SCART1: variants seen among roughly 807,000 people sequenced by gnomAD.
The protein encoded by SCART1 is scavenger receptor cysteine-rich domain-containing protein SCART1.
A neutral mutation model predicts 36.2 loss-of-function variants in SCART1; 62 were observed. That is an observed-to-expected ratio of 1.71 (90% CI 1.40 to 2.12). The LOEUF (loss-of-function observed/expected upper bound fraction) is 2.12. Among genes scored for constraint, SCART1 ranks in the 30% most tolerant of loss-of-function variants. The probability of loss-of-function intolerance (pLI) is 0.00; values close to 1 mark genes in which losing one functional copy is unlikely to be tolerated. For missense variants in SCART1, 1,041 were observed against 540.5 expected, an observed-to-expected ratio of 1.93 and a Z score of -9.18; for synonymous variants, 487 against 238.7, an observed-to-expected ratio of 2.04 and a Z score of -9.59.
chr10:133,459,286 G>T (rs765844947), exon 5 of SCART1: 2 of 651,522 alleles, frequency 3.1e-6, no homozygotes, highest in South Asian at 3.4e-5. Context: ...TGGGGGCCCC[G>T]GCCTGTGCCC....
At position 133,465,325 on chromosome 10, in the gene SCART1, TG is replaced by T; in HGVS notation, c.2423del (p.Gly808AlafsTer117). 1.5e-6 allele frequency: 1 copy of T among 687,666 alleles called. No individual in the cohort carries two copies. The highest frequency in any genetic ancestry group is 2.6e-6 in the Non-Finnish European group (1 of 377,868). 42.6% of individuals were successfully genotyped at this position (687,666 alleles called of 1,614,324 possible). Reference sequence around the variant, plus strand: ...CGTGGAGCTCTGGCACGCGGGCTCCTGGGGCACCGTGTGCGACGATGGCTGG... The same window carrying T: ...CGTGGAGCTCTGGCACGCGGGCTCCTGGGCACCGTGTGCGACGATGGCTGG... On this transcript the variant is annotated frameshift_variant, in exon 9 of 12. Transcript: ENST00000640237. LOFTEE classifies it high-confidence loss of function.
In SCART1 at chr10:133,456,552, C is replaced by G. The variant is rs1004554978; in HGVS notation, c.383C>G (p.Ser128Cys). 3 of 656,824 alleles carry G rather than the reference C, an allele frequency of 4.6e-6. No individual in the cohort carries two copies. In the African/African-American group the frequency reaches 5.4e-5, roughly 12 times the overall value. 40.7% of individuals were successfully genotyped at this position (656,824 alleles called of 1,614,324 possible). Reference sequence around the variant, plus strand: ...GCATGGGTGGTGGTCGCGCTGTGCTCCAGTAAGTAGGGAGGAGTGAAGGGG... The same window carrying G: ...GCATGGGTGGTGGTCGCGCTGTGCTGCAGTAAGTAGGGAGGAGTGAAGGGG... Residue 128 changes from serine (S) to cysteine (C), a missense_variant and splice_region_variant, in exon 2 of 12, where the codon TCC becomes TGC. Physicochemically the swap from Ser to Cys is moderately radical, Grantham distance 112. Coordinates refer to ENST00000640237, the Ensembl canonical transcript of SCART1.
intron 6 of SCART1, 168 bp from the exon 7 acceptor site, chr10:133,464,438 G>A (rs1430518523): frequency 1.7e-6 from 1 of 580,972 alleles, no homozygotes; most frequent in East Asian, 2.8e-5. Flanking sequence ...ACAGCAGTGG[G>A]ATTGCTGGAT....
exon 6 of SCART1, chr10:133,459,494 C>A: frequency 1.5e-6 from 1 of 651,676 alleles, no homozygotes. Flanking sequence ...CAGGTCTGGC[C>A]CACGCCCTGC....
At chr10:133,456,159 C>T (rs1230051881) in intron 1 of SCART1, 78 bp from the exon 2 acceptor site, 2 of 650,954 alleles carry the variant, frequency 3.1e-6, no homozygotes, top group African/African-American at 3.5e-5. Context: ...ACAGGCCGTT[C>T]CCTGCTGCCG....
chr10:133,460,496 A>ATATATATATATATATATATTTTTTT, intron 6 of SCART1, among the ~76,000 whole-genome samples: 1 of 136,016 alleles, frequency 7.4e-6, no homozygotes, highest in Non-Finnish European at 1.6e-5. Context: ...ATATTTATAT[A>ATATATATATATATATATATTTTTTT]TTTTAAAAAA....
At chr10:133,459,866 G>C in exon 6 of SCART1, 1 of 561,142 alleles carries the variant, frequency 1.8e-6, no homozygotes, top group Non-Finnish European at 3.1e-6. Context: ...CCCTGACTCT[G>C]TCTCTCCACA....
At chr10:133,456,611 A>C (rs1446071960) in intron 2 of SCART1, 57 bp downstream of exon 2, 9 of 615,520 alleles carry the variant, frequency 1.5e-5, no homozygotes, top group South Asian at 1.1e-4. Flanking sequence ...TGGGAGGACG[A>C]GGAGGAGGAC....
In SCART1 at chr10:133,465,576, G is replaced by T; in HGVS notation, c.2659+11G>T. 1 of 573,032 alleles carries T rather than the reference G, an allele frequency of 1.7e-6. No individual in the cohort carries two copies. Among genetic ancestry groups the T allele is most frequent in the African/African-American group, 1.9e-5 (1 of 52,460 alleles). The allele number at this position is 573,032 out of a possible 1,614,324, so 35.5% of individuals were successfully genotyped here. On this transcript the variant is annotated intron_variant, in intron 9 of 11. Transcript: ENST00000640237. ...GCGTGCGCTGCTGGGGTGAGTGGGG[G>T]GCGGTGGGAAGTCGGTCATGGGGCC...
rs1850783475 is a variant in SCART1, at chr10:133,468,059, T to G, written c.*91T>G. ...TTGTAGTGGATTTCGTGAGAACACC[T>G]TGGATGCCTTTCTCTTGCAATGTCC... On this transcript the variant is annotated 3_prime_UTR_variant, in exon 12 of 12. Transcript: ENST00000640237. The G allele has an allele frequency of 2.4e-5, 14 of 595,002 alleles. No individual in the cohort carries two copies. The East Asian group carries it at 4.0e-4, about 17-fold the overall frequency. The allele number at this position is 595,002 out of a possible 1,614,324, so 36.9% of individuals were successfully genotyped here. A position where few individuals can be genotyped will look rare whatever the true frequency, so the allele number is the denominator to read the frequency against.
chr10:133,460,363 TG>T (rs1301201237), intron 6 of SCART1, among the ~76,000 whole-genome samples, 193 bp downstream of exon 6: 1 of 151,658 alleles, frequency 6.6e-6, no homozygotes, highest in African/African-American at 2.4e-5. Flanking sequence ...TCCGTGCACC[TG>T]GGGAGCTGGT....
intron 1 of SCART1, among the ~76,000 whole-genome samples, chr10:133,455,042 A>AG (rs1850591417): frequency 6.6e-6 from 1 of 152,064 alleles, no homozygotes; most frequent in Non-Finnish European, 1.5e-5. Context: ...TGAGGCAGGC[A>AG]GTTTACCTGA....
At chr10:133,459,833 C>T (rs1850673584) in exon 6 of SCART1, 10 of 575,994 alleles carry the variant, frequency 1.7e-5, no homozygotes, top group Non-Finnish European at 3.1e-5. Context: ...CCCCCATGGC[C>T]CGTCGCCACG....
chr10:133,459,958 A>T, exon 6 of SCART1: 1 of 547,280 alleles, frequency 1.8e-6, no homozygotes, highest in Non-Finnish European at 3.2e-6. Flanking sequence ...GATGCCTGGG[A>T]CCTGCGGGAC....
chr10:133,467,829 C>T lies in SCART1; in HGVS notation c.2963-18C>T, dbSNP rs35443213. On this transcript the variant is annotated intron_variant, in intron 11 of 11. Transcript: ENST00000640237. ...TTGCACGTGTGCTGATTTGGTCACG[C>T]GGTGTCTCTTGCGCCAGTTTCAGGG... 0.089 allele frequency: 58,512 copies of T among 660,178 alleles called. 3,094 individuals carry two copies. Among genetic ancestry groups the T allele is most frequent in the East Asian group, 0.18 (6,332 of 36,098 alleles). 40.9% of individuals were successfully genotyped at this position (660,178 alleles called of 1,614,324 possible).
intron 11 of SCART1, 87 bp downstream of exon 11, chr10:133,467,440 C>G (rs1850775041): frequency 1.6e-6 from 1 of 621,746 alleles, no homozygotes; most frequent in South Asian, 1.9e-5. Context: ...ACTCTGACCA[C>G]AGGAGCCTGG....
intron 6 of SCART1, among the ~76,000 whole-genome samples, chr10:133,462,921 T>A (rs976176092): frequency 6.6e-6 from 1 of 152,222 alleles, no homozygotes; most frequent in African/African-American, 2.4e-5. Flanking sequence ...TTATGGACAC[T>A]TTTGTATTCT....
intron 9 of SCART1, 173 bp downstream of exon 9, chr10:133,465,738 A>T: frequency 1.6e-6 from 1 of 642,026 alleles, no homozygotes; most frequent in Non-Finnish European, 2.8e-6. Flanking sequence ...CCTGTTTGGG[A>T]CATGCACTCC....
Position 133,458,661 on chromosome 10 carries a change from A to C in SCART1, c.979+5A>C. ...ACGCGGGGCTCAGGTGCTCAGGTGA[A>C]GTCCTGTGTGTGGGCTCTGAAGGCT... is the stretch of plus-strand genomic sequence containing the variant. On this transcript the variant is annotated splice_donor_5th_base_variant and intron_variant, in intron 4 of 11. Transcript: ENST00000640237. 1 of 700,450 alleles carries C rather than the reference A, an allele frequency of 1.4e-6. No homozygotes were observed. Among genetic ancestry groups the C allele is most frequent in the East Asian group, 2.7e-5 (1 of 37,252 alleles). 43.4% of individuals were successfully genotyped at this position (700,450 alleles called of 1,614,324 possible).
Sources: gnomAD v4.1 joint callset for allele counts (sites outside exome capture counted in the v4.1 genomes callset) on GRCh38, gnomAD v4.1.1 for gene constraint, MANE v1.5 for transcripts, NCBI Gene and HGNC (gene_info 2026-07-23, HGNC 2026-07-21) for gene names.